Variants in AGAP1 observed in about 807,000 individuals in gnomAD.
The protein encoded by AGAP1 is arf-GAP with GTPase, ANK repeat and PH domain-containing protein 1.
A neutral mutation model predicts 105.3 loss-of-function variants in AGAP1; 29 were observed. That is an observed-to-expected ratio of 0.28 (90% CI 0.21 to 0.38). AGAP1 has a LOEUF of 0.38. Among genes scored for constraint, AGAP1 ranks in the 10% least tolerant of loss-of-function variants. AGAP1 has a pLI of 1.00. For synonymous variants in AGAP1, 509 were observed against 485.9 expected (o/e 1.05, Z -0.63); for missense variants, 998 against 1,165.1 (o/e 0.86, Z 2.09).
chr2:235,580,805 T>C (rs1442348739), intron 1 of AGAP1, among the ~76,000 whole-genome samples: 2 of 152,030 alleles, frequency 1.3e-5, no homozygotes, highest in East Asian at 3.9e-4. Flanking sequence ...GAGAAAAAAA[T>C]CTAGAGAGGA....
chr2:236,088,969 G>A (rs1345457171), intron 16 of AGAP1, among the ~76,000 whole-genome samples: 1 of 152,198 alleles, frequency 6.6e-6, no homozygotes, highest in African/African-American at 2.4e-5. Context: ...CAAATTCAAA[G>A]AACTCACTTC....
In AGAP1 at chr2:236,112,516, C is replaced by T. The variant is rs544345882; in HGVS notation, c.2115-7676C>T. On this transcript the variant is annotated intron_variant, in intron 16 of 17. Coordinates refer to ENST00000304032, the MANE Select transcript of AGAP1 (RefSeq NM_001037131.3). ...TAAATGCTTCTCTCCATCCCCCGTT[C>T]CCTCCCTCCTGATCTGTTCTTCACT... Among the ~76,000 whole-genome samples the T allele has an allele frequency of 2.6e-5, 4 of 152,320 alleles. No individual in the cohort carries two copies. In the South Asian group the frequency reaches 8.3e-4, roughly 32 times the overall value.
rs1017616567 is a variant in AGAP1 at position 235,906,562 on chromosome 2, G to A, written c.1156-2176G>A. On this transcript the variant is annotated intron_variant, in intron 10 of 17. Transcript: ENST00000304032. This position sits in a 1 kb window ranked among gnomAD's most constrained non-coding sequence, Gnocchi z 5.3. ...ATGTAAAGAGGTTCTCCTCCCGCCC[G>A]TCCTGCCGTTGAGAATTCCTGCACC... Among the ~76,000 whole-genome samples the A allele has an allele frequency of 1.3e-5, 2 of 152,090 alleles. No homozygotes were observed. Among genetic ancestry groups the A allele is most frequent in the African/African-American group, 4.8e-5 (2 of 41,426 alleles).
chr2:235,494,862 C>T lies in AGAP1; in HGVS notation c.163+13C>T, dbSNP rs752441175. 6.4e-7 allele frequency: 1 copy of T among 1,559,482 alleles called. No individual in the cohort carries two copies. On this transcript the variant is annotated intron_variant, in intron 1 of 17. Coordinates refer to ENST00000304032, the MANE Select transcript of AGAP1 (RefSeq NM_001037131.3). ...ATCGCCATCGAAGGTGAGGGCCGGGCCGCCTTGGGGCCTCGGGAAGGCACG... is the reference window on the plus strand; with the variant it reads ...ATCGCCATCGAAGGTGAGGGCCGGGTCGCCTTGGGGCCTCGGGAAGGCACG...
rs530926582 is a variant in AGAP1 at position 235,610,767 on chromosome 2, G to T, written c.164-98412G>T. Reference sequence around the variant, plus strand: ...CCTGGAGTGGAAACCCTGGGCTGGGGAGGAGGTGCGCTAAGACTGGGCCAC... The same window carrying T: ...CCTGGAGTGGAAACCCTGGGCTGGGTAGGAGGTGCGCTAAGACTGGGCCAC... On this transcript the variant is annotated intron_variant, in intron 1 of 17. Transcript: ENST00000304032. This position sits in a 1 kb window ranked among gnomAD's most constrained non-coding sequence, Gnocchi z 4.9. Among the ~76,000 whole-genome samples the T allele has an allele frequency of 2.6e-5, 4 of 152,204 alleles. No individual in the cohort carries two copies. In the East Asian group the frequency reaches 7.8e-4, roughly 30 times the overall value.
At chr2:235,686,554 T>TACACACAC (rs1315334928) in intron 1 of AGAP1, among the ~76,000 whole-genome samples, 33 of 51,380 alleles carry the variant, frequency 6.4e-4, no homozygotes, top group African/African-American at 2.0e-3. Context: ...GAGATATATA[T>TACACACAC]ATACACACAC....
At chr2:236,049,622 T>C (rs1408661715) in intron 16 of AGAP1, 4 of 170,904 alleles carry the variant, frequency 2.3e-5, no homozygotes, top group Non-Finnish European at 5.0e-5. Context: ...GAATTTTTGA[T>C]CCTTTAATTT....
At chr2:235,715,633 C>T (rs1008675797) in intron 2 of AGAP1, among the ~76,000 whole-genome samples, 25 of 152,288 alleles carry the variant, frequency 1.6e-4, no homozygotes, top group East Asian at 9.6e-4. Flanking sequence ...GAGTCTCCCA[C>T]GGCTTATGAA....
intron 13 of AGAP1, among the ~76,000 whole-genome samples, chr2:236,010,434 TAACGATCAGATGCCTTAAGAAATGTTC>T (rs1263508553): frequency 1.3e-5 from 2 of 152,224 alleles, no homozygotes; most frequent in African/African-American, 2.4e-5. Flanking sequence ...TTGCTGTTTA[TAACGATCAGATGCCTTAAGAAATGTTC>T]TGTGAATTAA....
At chr2:236,075,604 G>A (rs1337354519) in intron 16 of AGAP1, among the ~76,000 whole-genome samples, 5 of 152,060 alleles carry the variant, frequency 3.3e-5, no homozygotes, top group Non-Finnish European at 7.4e-5. Flanking sequence ...GGAAATAGCC[G>A]ACATGCCCCT....
intron 9 of AGAP1, among the ~76,000 whole-genome samples, chr2:235,808,938 T>C (rs943707408): frequency 1.3e-5 from 2 of 152,244 alleles, no homozygotes; most frequent in Admixed American, 6.5e-5. Flanking sequence ...CATAAGCTAA[T>C]GTTACTGTGT....
chr2:235,950,703 T>C lies in AGAP1; in HGVS notation c.1484-17759T>C, dbSNP rs547248138. On this transcript the variant is annotated intron_variant, in intron 12 of 17. Coordinates refer to ENST00000304032, the MANE Select transcript of AGAP1 (RefSeq NM_001037131.3). ...AGCCACAGGAGGTCAGGGTTTTGCT[T>C]AAAGAAAGAGAGGAAAATGTCAATT... 3.3e-5 allele frequency among the ~76,000 whole-genome samples: 5 copies of C among 152,182 alleles called. No individual in the cohort carries two copies. The East Asian group carries it at 9.6e-4, about 29-fold the overall frequency.
intron 1 of AGAP1, among the ~76,000 whole-genome samples, chr2:235,654,349 A>G (rs1009661542): frequency 1.8e-4 from 27 of 152,228 alleles, no homozygotes; most frequent in Non-Finnish European, 1.5e-5. Context: ...CTTCACTGCC[A>G]TGGTATTTCC....
chr2:235,678,695 T>A (rs1948891663), intron 1 of AGAP1, among the ~76,000 whole-genome samples: 1 of 152,168 alleles, frequency 6.6e-6, no homozygotes, highest in African/African-American at 2.4e-5. Flanking sequence ...AAGATATTTG[T>A]CTGGAGTTTC....
Position 235,889,872 on chromosome 2 carries a change from G to T in AGAP1, c.1155+6423G>T, listed in dbSNP as rs2050446783. 2.6e-5 allele frequency among the ~76,000 whole-genome samples: 4 copies of T among 152,266 alleles called. No homozygotes were observed. The South Asian group carries it at 8.3e-4, about 32-fold the overall frequency. ...TTTCCCTGGAAATCAGAGGGGAAAA[G>T]AAGCAAAACATGGAGCCAACTCAGA... On this transcript the variant is annotated intron_variant, in intron 10 of 17. Transcript: ENST00000304032. This position sits in a 1 kb window ranked among gnomAD's most constrained non-coding sequence, Gnocchi z 4.6.
At chr2:236,026,242 TC>T (rs2057049803) in intron 13 of AGAP1, among the ~76,000 whole-genome samples, 1 of 152,128 alleles carries the variant, frequency 6.6e-6, no homozygotes, top group Admixed American at 6.5e-5. Flanking sequence ...CCAGGACTGA[TC>T]AGAGTGGCCA....
intron 9 of AGAP1, among the ~76,000 whole-genome samples, chr2:235,880,214 GCCTTCACTGGGGGCAGGA>G (rs1272017903): frequency 6.6e-6 from 1 of 151,556 alleles, no homozygotes; most frequent in Admixed American, 6.6e-5. Flanking sequence ...AGTCCTCGTA[GCCTTCACTGGGGGCAGGA>G]CAATTTTGAG....
chr2:235,626,764 T>C (rs563635279), intron 1 of AGAP1, among the ~76,000 whole-genome samples: 1 of 152,312 alleles, frequency 6.6e-6, no homozygotes, highest in Non-Finnish European at 1.5e-5. Flanking sequence ...ATGGTGACTA[T>C]TTTAGGTTTT....
rs918495530 is a variant in AGAP1 at position 235,737,761 on chromosome 2, G to A, written c.311-3202G>A. On this transcript the variant is annotated intron_variant, in intron 3 of 17. Transcript: ENST00000304032. The surrounding 1 kb of genome is among the most constrained non-coding windows in gnomAD (Gnocchi z 4.5). The stretch of plus-strand genomic sequence containing the variant: ...CAAGTTCCCACTCCTGGAGAGGTAG[G>A]CAGCGAGGGACACTGGCGTTGCAGG... Among the ~76,000 whole-genome samples, 3 of 152,090 alleles carry A rather than the reference G, an allele frequency of 2.0e-5. No individual in the cohort carries two copies. Among genetic ancestry groups the A allele is most frequent in the Non-Finnish European group, 2.9e-5 (2 of 68,012 alleles).
Sources: allele counts gnomAD v4.1 joint callset (sites outside exome capture counted in the v4.1 genomes callset), GRCh38; gene constraint gnomAD v4.1.1; non-coding constraint Gnocchi (gnomAD v3.1); transcripts MANE v1.5; gene names NCBI Gene and HGNC (gene_info 2026-07-23, HGNC 2026-07-21).